The following FSTL1 variants were observed in gnomAD, a reference collection of about 807,000 sequenced individuals.
FSTL1 encodes follistatin-related protein 1.
A neutral mutation model predicts 45.9 loss-of-function variants in FSTL1; 24 were observed. The observed-to-expected ratio is 0.52, with a 90% CI of 0.38 to 0.74. FSTL1 has a LOEUF of 0.74. Among genes scored for constraint, FSTL1 ranks in the 30% least tolerant of loss-of-function variants. The pLI, the probability that FSTL1 is intolerant of heterozygous loss-of-function variation, is 0.00. For synonymous variants in FSTL1, 120 were observed against 137.6 expected, an observed-to-expected ratio of 0.87 and a Z score of 0.89; for missense variants, 340 against 381.8, an observed-to-expected ratio of 0.89 and a Z score of 0.91.
chr3:120,415,804 G>C, intron 3 of FSTL1, 119 bp downstream of exon 3: 1 of 572,720 alleles, frequency 1.7e-6, no homozygotes, highest in Non-Finnish European at 3.2e-6. Flanking sequence ...TTTTCAGGGG[G>C]ATGAAGAATG....
chr3:120,424,656 A>G (rs1425014032), intron 2 of FSTL1, among the ~76,000 whole-genome samples: 2 of 152,164 alleles, frequency 1.3e-5, no homozygotes, highest in African/African-American at 4.8e-5. Context: ...TAGTGGTGGC[A>G]TGGTTATAGA....
chr3:120,412,838 G>GCGCACACACACACACACACA (rs1429168694), intron 3 of FSTL1, among the ~76,000 whole-genome samples: 7 of 106,184 alleles, frequency 6.6e-5, no homozygotes, highest in East Asian at 6.1e-4. Flanking sequence ...GCGCGCGCGC[G>GCGCACACACACACACACACA]CACACACACA....
intron 2 of FSTL1, among the ~76,000 whole-genome samples, chr3:120,431,736 T>C (rs1353794792): frequency 6.6e-6 from 1 of 152,124 alleles, no homozygotes; most frequent in African/African-American, 2.4e-5. Context: ...GGAGGAGGGT[T>C]TGAGGAGAAA....
Position 120,450,755 on chromosome 3 carries a change from G to T in FSTL1, c.1-9C>A. The T allele has an allele frequency of 1.3e-6, 2 of 1,573,288 alleles. No homozygotes were observed. Among genetic ancestry groups the T allele is most frequent in the South Asian group, 1.1e-5 (1 of 87,686 alleles). On this transcript the variant is annotated splice_polypyrimidine_tract_variant and intron_variant, in intron 1 of 10. Coordinates refer to ENST00000295633, the MANE Select transcript of FSTL1 (RefSeq NM_007085.5). Reference sequence around the variant, plus strand: ...AGCCAGCGTTTCCACATCTGCGGAAGAGAGAAGAGAGCGAGTCTGAAGGCG... The same window carrying T: ...AGCCAGCGTTTCCACATCTGCGGAATAGAGAAGAGAGCGAGTCTGAAGGCG...
At chr3:120,445,766 C>T (rs1179481380) in intron 2 of FSTL1, among the ~76,000 whole-genome samples, 1 of 149,758 alleles carries the variant, frequency 6.7e-6, no homozygotes, top group Non-Finnish European at 1.5e-5. Flanking sequence ...TTTAAAGCAC[C>T]TGGACCCACC....
intron 3 of FSTL1, among the ~76,000 whole-genome samples, chr3:120,415,524 A>G (rs955031659): frequency 6.6e-6 from 1 of 152,236 alleles, no homozygotes; most frequent in Non-Finnish European, 1.5e-5. Flanking sequence ...TTATGTCTAC[A>G]GTAGCATATA....
intron 2 of FSTL1, 26 bp downstream of exon 2, chr3:120,450,658 T>A: frequency 6.6e-7 from 1 of 1,521,568 alleles, no homozygotes; most frequent in Non-Finnish European, 8.8e-7. Flanking sequence ...GGGGACCGAG[T>A]TCGGACTCCT....
intron 7 of FSTL1, among the ~76,000 whole-genome samples, chr3:120,404,592 C>T (rs1275683167): frequency 9.2e-5 from 14 of 152,168 alleles, no homozygotes; most frequent in Admixed American, 7.9e-4. Flanking sequence ...TCTGACGTGC[C>T]CTTGGCAATT....
At chr3:120,401,125 C>T (rs139237470) in intron 9 of FSTL1, among the ~76,000 whole-genome samples, 4 of 152,266 alleles carry the variant, frequency 2.6e-5, no homozygotes, top group East Asian at 3.9e-4. Flanking sequence ...CAGTTAGAAG[C>T]GGAGAGGTAC....
At chr3:120,415,709 T>G (rs1937175761) in intron 3 of FSTL1, 6 of 481,032 alleles carry the variant, frequency 1.2e-5, no homozygotes, top group Non-Finnish European at 2.2e-5. Context: ...ATTTTTTAAT[T>G]AAAAAATCTT....
chr3:120,394,451 G>C lies in FSTL1; in HGVS notation c.*2501C>G, dbSNP rs1447694994. On this transcript the variant is annotated 3_prime_UTR_variant, in exon 11 of 11. Coordinates refer to ENST00000295633, the MANE Select transcript of FSTL1 (RefSeq NM_007085.5). ...TGAAGTTTGACTACTTAAAAACATA[G>C]GTGTAAAGGAAAGACATTCAGACTG... The C allele has an allele frequency of 6.6e-6, 1 of 152,194 alleles. No homozygotes were observed. The highest frequency in any genetic ancestry group is 1.5e-5 in the Non-Finnish European group (1 of 68,038). The allele number at this position is 152,194 out of a possible 1,614,324, so 9.4% of individuals were successfully genotyped here.
intron 3 of FSTL1, among the ~76,000 whole-genome samples, chr3:120,414,731 C>G (rs533537794): frequency 6.6e-6 from 1 of 151,582 alleles, no homozygotes; most frequent in Non-Finnish European, 1.5e-5. Flanking sequence ...TGTGTCCACT[C>G]AGGGTTAAAT....
Position 120,415,952 on chromosome 3 carries a change from T to G in FSTL1, c.139A>C (p.Lys47Gln). Reference sequence around the variant, plus strand: ...ATGCAGAGACAGGTGGGTTCCCCTTTCTCTGTGACTGCACATTCCCGGCCG... The same window carrying G: ...ATGCAGAGACAGGTGGGTTCCCCTTGCTCTGTGACTGCACATTCCCGGCCG... ...GAGRECAVTE[K>Q]GEPTCLCIEQ... The change falls in exon 3 of 11, where the codon AAA becomes CAA. Residue 47 changes from lysine (K) to glutamine (Q), a missense_variant. Physicochemically the swap from Lys to Gln is moderately conservative, Grantham distance 53 (BLOSUM62 1). Transcript: ENST00000295633. The G allele has an allele frequency of 3.7e-6, 6 of 1,613,656 alleles. No homozygotes were observed. Among genetic ancestry groups the G allele is most frequent in the Non-Finnish European group, 5.1e-6 (6 of 1,179,562 alleles).
chr3:120,409,480 G>T, intron 6 of FSTL1, 52 bp downstream of exon 6: 2 of 1,551,540 alleles, frequency 1.3e-6, no homozygotes, highest in Non-Finnish European at 1.8e-6. Flanking sequence ...ATGGGAGGAG[G>T]AAGCTTCCCT....
intron 2 of FSTL1, among the ~76,000 whole-genome samples, chr3:120,447,696 T>C (rs987041292): frequency 1.3e-5 from 2 of 152,234 alleles, no homozygotes; most frequent in Non-Finnish European, 2.9e-5. Context: ...TTGCTCAGGC[T>C]GGAGTGCAGT....
At chr3:120,437,326 G>T (rs1052254012) in intron 2 of FSTL1, among the ~76,000 whole-genome samples, 1 of 152,208 alleles carries the variant, frequency 6.6e-6, no homozygotes, top group African/African-American at 2.4e-5. Context: ...GGTAGGGAAT[G>T]AGTGAATGAA....
rs199791642 is a variant in FSTL1 at position 120,416,005 on chromosome 3, T to G, written c.86A>C (p.Lys29Thr). 22 of 1,613,476 alleles carry G rather than the reference T, an allele frequency of 1.4e-5. No individual in the cohort carries two copies. Among genetic ancestry groups the G allele is most frequent in the Non-Finnish European group, 1.9e-5 (22 of 1,179,486 alleles). The part of the protein sequence containing the change: ...RAEEELRSKS[K>T]ICANVFCGAG... ...TCCACAAAACACATTGGCACAGATCTTGGATTTGCTCCTTAGCTCTTCCTA... is the reference window on the plus strand; with the variant it reads ...TCCACAAAACACATTGGCACAGATCGTGGATTTGCTCCTTAGCTCTTCCTA... The change falls in exon 3 of 11, where the codon AAG becomes ACG. Residue 29 changes from lysine (K) to threonine (T), a missense_variant. Physicochemically the swap from Lys to Thr is moderately conservative, Grantham distance 78 (BLOSUM62 -1). Coordinates refer to ENST00000295633, the MANE Select transcript of FSTL1 (RefSeq NM_007085.5).
At chr3:120,426,697 C>T (rs925983281) in intron 2 of FSTL1, among the ~76,000 whole-genome samples, 3 of 152,300 alleles carry the variant, frequency 2.0e-5, no homozygotes, top group East Asian at 1.9e-4. Flanking sequence ...CCACTATTCT[C>T]GACGGTGGTC....
intron 2 of FSTL1, among the ~76,000 whole-genome samples, chr3:120,430,202 C>T (rs1937452581): frequency 6.6e-6 from 1 of 152,174 alleles, no homozygotes; most frequent in Admixed American, 6.5e-5. Context: ...AAGGCCCACC[C>T]AGAGTGCGTC....
Sources: gnomAD v4.1 joint callset for allele counts (sites outside exome capture counted in the v4.1 genomes callset) on GRCh38, gnomAD v4.1.1 for gene constraint, MANE v1.5 for transcripts, NCBI Gene and HGNC (gene_info 2026-07-23, HGNC 2026-07-21) for gene names.